ZNF404: variants seen among roughly 807,000 people sequenced by gnomAD.
The protein encoded by ZNF404 is zinc finger protein 404.
Under a neutral mutation model 7.3 loss-of-function variants are expected in ZNF404, and 7 were observed. The observed-to-expected ratio is 0.95, with a 90% confidence interval of 0.54 to 1.79. The LOEUF is 1.79. ZNF404 is among the 40% of genes most tolerant of loss of function. The pLI, the probability that ZNF404 is intolerant of heterozygous loss-of-function variation, is 0.00. For missense variants in ZNF404, 560 were observed against 661.5 expected (o/e 0.85, Z 1.68); for synonymous variants, 191 against 209.9 (o/e 0.91, Z 0.78).
At chr19:43,882,590 T>A (rs1304507890) in intron 1 of ZNF404, among the ~76,000 whole-genome samples, 3 of 152,002 alleles carry the variant, frequency 2.0e-5, no homozygotes, top group African/African-American at 7.2e-5. Flanking sequence ...TATTATCACT[T>A]TGAAAAATTA....
intron 2 of ZNF404, among the ~76,000 whole-genome samples, chr19:43,875,320 C>G (rs1186771811): frequency 6.6e-6 from 1 of 151,948 alleles, no homozygotes; most frequent in Non-Finnish European, 1.5e-5. Flanking sequence ...ACAAATAATG[C>G]CTGTAAGGTT....
At chr19:43,876,229 A>T (rs1971849503) in intron 2 of ZNF404, among the ~76,000 whole-genome samples, 1 of 152,070 alleles carries the variant, frequency 6.6e-6, no homozygotes, top group Non-Finnish European at 1.5e-5. Flanking sequence ...CACAAGAATC[A>T]TTTGAACCCA....
chr19:43,883,874 G>A (rs1971917494), intron 1 of ZNF404, 82 bp downstream of exon 1: 1 of 1,460,090 alleles, frequency 6.8e-7, no homozygotes, highest in African/African-American at 1.4e-5. Flanking sequence ...GAGATAGGAG[G>A]TTTCAGGATT....
Position 43,873,820 on chromosome 19 carries a change from CAT to C in ZNF404, c.392_393del (p.Tyr131Ter), listed in dbSNP as rs1971832560. ...AAGCCCTTCTTATATTCCTTACACT[CAT>C]ATGATTTCTCTCTTGTGTTATTTCT... ...HKRNNTREKS[Y>X]ECKEYKKGFR... is the part of the protein sequence containing the mutation. On this transcript the variant is annotated frameshift_variant, in exon 3 of 3. Coordinates refer to ENST00000587539, the MANE Select transcript of ZNF404 (RefSeq NM_001033719.3). LOFTEE classifies it low-confidence loss of function (END_TRUNC). 6.3e-7 allele frequency: 1 copy of C among 1,597,196 alleles called. No homozygotes were observed.
intron 1 of ZNF404, among the ~76,000 whole-genome samples, chr19:43,880,540 T>C (rs187016177): frequency 1.4e-4 from 22 of 152,266 alleles, no homozygotes; most frequent in African/African-American, 4.3e-4. Context: ...CCTCCCCCAA[T>C]TGTATTATAA....
chr19:43,881,520 A>G (rs1971894669), intron 1 of ZNF404: 1 of 152,224 alleles, frequency 6.6e-6, no homozygotes, highest in African/African-American at 2.4e-5. Context: ...AAAAGATGAC[A>G]ATACTAATAC....
intron 1 of ZNF404, among the ~76,000 whole-genome samples, chr19:43,880,459 T>C (rs948891495): frequency 1.4e-4 from 22 of 152,166 alleles, no homozygotes; most frequent in Non-Finnish European, 5.9e-5. Flanking sequence ...AGCCATATAA[T>C]ATTAATAAAT....
At chr19:43,878,772 C>T (rs1309264502) in intron 2 of ZNF404, among the ~76,000 whole-genome samples, 1 of 152,136 alleles carries the variant, frequency 6.6e-6, no homozygotes. Context: ...ATTCTAAGTA[C>T]AGCAGGAGTT....
At chr19:43,883,843 G>A (rs1302947514) in intron 1 of ZNF404, 113 bp downstream of exon 1, 5 of 1,127,432 alleles carry the variant, frequency 4.4e-6, no homozygotes, top group Non-Finnish European at 5.1e-6. Context: ...ATGTGAAATA[G>A]GTTCCAAGAG....
At chr19:43,879,981 TG>T (rs754717567) in intron 2 of ZNF404, 28 bp downstream of exon 2, 10 of 1,612,206 alleles carry the variant, frequency 6.2e-6, no homozygotes, top group Non-Finnish European at 7.6e-6. Context: ...GAGAGCATAT[TG>T]TACATCATTT....
intron 1 of ZNF404, 39 bp downstream of exon 1, chr19:43,883,917 T>C: frequency 4.4e-6 from 7 of 1,595,430 alleles, no homozygotes; most frequent in Non-Finnish European, 5.1e-6. Flanking sequence ...AATTAAAAAA[T>C]CACAATAAGT....
chr19:43,874,609 A>G (rs1255012736), intron 2 of ZNF404, among the ~76,000 whole-genome samples: 3 of 152,172 alleles, frequency 2.0e-5, no homozygotes, highest in African/African-American at 7.2e-5. Flanking sequence ...CTGTGAGAAC[A>G]CACCACAAAT....
chr19:43,874,109 AT>A, intron 2 of ZNF404, 32 bp from the exon 3 acceptor site: 1 of 1,421,166 alleles, frequency 7.0e-7, no homozygotes. Context: ...AACAAATGCT[AT>A]TTTCCAATAA....
chr19:43,872,509 A>T lies in ZNF404; in HGVS notation c.*46T>A. 1.5e-5 allele frequency: 21 copies of T among 1,438,754 alleles called. No homozygotes were observed. The highest frequency in any genetic ancestry group is 1.9e-5 in the Non-Finnish European group (20 of 1,073,236). The allele number at this position is 1,438,754 out of a possible 1,614,324, so 89.1% of individuals were successfully genotyped here. On this transcript the variant is annotated 3_prime_UTR_variant, in exon 3 of 3. Coordinates refer to ENST00000587539, the MANE Select transcript of ZNF404 (RefSeq NM_001033719.3). This position sits in a 1 kb window ranked among gnomAD's most constrained non-coding sequence, Gnocchi z 4.4. ...TTAATCTTCACTATAGCATCATAAT[A>T]GTGACAACAGTAAAAATGTGCCATG... is the stretch of plus-strand genomic sequence containing the variant.
chr19:43,881,393 A>C (rs941118220), intron 1 of ZNF404, among the ~76,000 whole-genome samples: 1 of 152,242 alleles, frequency 6.6e-6, no homozygotes, highest in Non-Finnish European at 1.5e-5. Context: ...CTGAGAAGAT[A>C]CAAGCTCAAT....
chr19:43,879,987 T>C lies in ZNF404; in HGVS notation c.136+23A>G, dbSNP rs566491479. The C allele has an allele frequency of 1.7e-4, 276 of 1,612,706 alleles. 2 individuals are homozygous for C. In the South Asian group the frequency reaches 2.8e-3, roughly 17 times the overall value. On this transcript the variant is annotated intron_variant, in intron 2 of 2. Transcript: ENST00000587539. Reference sequence around the variant, plus strand: ...GATATTCTAGAGAGCATATTGTACATCATTTTGTGCAGATATTCTTACCCA... The same window carrying C: ...GATATTCTAGAGAGCATATTGTACACCATTTTGTGCAGATATTCTTACCCA...
At chr19:43,880,202 T>C (rs1971885651) in intron 1 of ZNF404, 66 bp from the exon 2 acceptor site, 1 of 1,448,766 alleles carries the variant, frequency 6.9e-7, no homozygotes, top group Non-Finnish European at 9.4e-7. Flanking sequence ...GAACATTAAA[T>C]TGCAATAAAG....
At chr19:43,879,548 C>T (rs942119937) in intron 2 of ZNF404, among the ~76,000 whole-genome samples, 4 of 152,034 alleles carry the variant, frequency 2.6e-5, no homozygotes, top group African/African-American at 9.7e-5. Context: ...ACAAAAATAA[C>T]AGTAAAAAAG....
intron 1 of ZNF404, 125 bp from the exon 2 acceptor site, chr19:43,880,261 G>C: frequency 1.3e-6 from 1 of 786,206 alleles, no homozygotes; most frequent in African/African-American, 1.8e-5. Context: ...TGATGACATG[G>C]TTAGATAAGA....
Sources: allele counts gnomAD v4.1 joint callset (sites outside exome capture counted in the v4.1 genomes callset), GRCh38; gene constraint gnomAD v4.1.1; non-coding constraint Gnocchi (gnomAD v3.1); transcripts MANE v1.5; gene names NCBI Gene and HGNC (gene_info 2026-07-23, HGNC 2026-07-21).